Variants in CATSPERB observed in about 807,000 individuals in gnomAD.
CATSPERB encodes cation channel sperm-associated auxiliary subunit beta.
In CATSPERB, 93 loss-of-function variants were observed where a neutral mutation model predicts 128.3. The observed-to-expected ratio is 0.72, with a 90% CI of 0.61 to 0.86. CATSPERB has a LOEUF of 0.86. Ranked by LOEUF, CATSPERB falls within the 40% of genes least tolerant of loss-of-function variation. CATSPERB has a pLI of 0.00. For synonymous variants in CATSPERB, 381 were observed against 448.8 expected (o/e 0.85, Z 1.91); for missense variants, 1,153 against 1,329.5 (o/e 0.87, Z 2.06).
chr14:91,714,288 AAAAAG>A lies in CATSPERB; in HGVS notation c.370+5125_370+5129del, dbSNP rs1286447526. The stretch of plus-strand genomic sequence containing the variant: ...CCAGTACAATAAGGCAAAAAAAAAA[AAAAAG>A]AAAAAAAGAAAGAAAGAAAATGAAT... On this transcript the variant is annotated intron_variant, in intron 5 of 26. Transcript: ENST00000256343. Among the ~76,000 whole-genome samples the A allele has an allele frequency of 5.6e-3, 506 of 90,364 alleles. 3 individuals carry two copies. The highest frequency in any genetic ancestry group is 0.011 in the Middle Eastern group (2 of 186). 59.3% of individuals were successfully genotyped at this position (90,364 alleles called of 152,430 possible). A position where few individuals can be genotyped will look rare whatever the true frequency, so the allele number is the denominator to read the frequency against.
intron 17 of CATSPERB, among the ~76,000 whole-genome samples, chr14:91,633,855 AAG>A (rs971135090): frequency 4.6e-5 from 7 of 151,880 alleles, no homozygotes; most frequent in Admixed American, 2.0e-4. Context: ...GAAAAAGAAA[AAG>A]AGAGAGAGAG....
At chr14:91,624,048 T>C (rs1018709392) in intron 18 of CATSPERB, among the ~76,000 whole-genome samples, 4 of 152,152 alleles carry the variant, frequency 2.6e-5, no homozygotes, top group African/African-American at 2.4e-5. Flanking sequence ...TTTTATTATA[T>C]TAGAAAAAAA....
At chr14:91,683,645 T>C (rs539246716) in intron 11 of CATSPERB, among the ~76,000 whole-genome samples, 11 of 152,090 alleles carry the variant, frequency 7.2e-5, no homozygotes, top group Non-Finnish European at 1.0e-4. Flanking sequence ...AAGATGACAC[T>C]AGCCTATGTT....
At chr14:91,658,407 T>G (rs551723021) in intron 15 of CATSPERB, among the ~76,000 whole-genome samples, 8 of 151,806 alleles carry the variant, frequency 5.3e-5, no homozygotes, top group Admixed American at 5.3e-4. Flanking sequence ...GGGCATTATG[T>G]AGGGGGAGAA....
At chr14:91,599,130 A>G (rs1893564051) in intron 22 of CATSPERB, among the ~76,000 whole-genome samples, 1 of 152,180 alleles carries the variant, frequency 6.6e-6, no homozygotes, top group South Asian at 2.1e-4. Context: ...GGTTTGATCC[A>G]TAAAGTTAGC....
chr14:91,706,856 T>C (rs1453230547), intron 6 of CATSPERB, among the ~76,000 whole-genome samples: 2 of 152,066 alleles, frequency 1.3e-5, no homozygotes, highest in Non-Finnish European at 2.9e-5. Context: ...GCAGCTCTAC[T>C]TTCAAAATCT....
intron 17 of CATSPERB, among the ~76,000 whole-genome samples, chr14:91,634,920 T>C (rs1333413627): frequency 6.6e-6 from 1 of 151,658 alleles, no homozygotes; most frequent in Non-Finnish European, 1.5e-5. Context: ...ATAAACCAGG[T>C]AGCCTATAAA....
intron 2 of CATSPERB, among the ~76,000 whole-genome samples, chr14:91,728,972 A>G (rs1896164586): frequency 1.3e-5 from 2 of 152,262 alleles, no homozygotes; most frequent in South Asian, 4.1e-4. Flanking sequence ...GTCTAAAAAC[A>G]TAAAGTGGAA....
chr14:91,700,829 A>G (rs1469030621), intron 7 of CATSPERB, among the ~76,000 whole-genome samples: 5 of 152,110 alleles, frequency 3.3e-5, no homozygotes, highest in African/African-American at 1.2e-4. Flanking sequence ...GGGGGAGGGA[A>G]GGGAGCAATG....
intron 2 of CATSPERB, among the ~76,000 whole-genome samples, chr14:91,728,608 T>C (rs897746892): frequency 2.0e-5 from 3 of 152,210 alleles, no homozygotes; most frequent in African/African-American, 7.2e-5. Context: ...CACGGACTGC[T>C]TTGCCTAGAA....
chr14:91,594,373 T>C (rs1342037058), intron 22 of CATSPERB, among the ~76,000 whole-genome samples: 7 of 151,984 alleles, frequency 4.6e-5, no homozygotes, highest in Admixed American at 4.6e-4. Flanking sequence ...ATATACCTAA[T>C]GCTAAATGAC....
At chr14:91,660,560 T>C (rs901390730) in intron 14 of CATSPERB, among the ~76,000 whole-genome samples, 1 of 152,216 alleles carries the variant, frequency 6.6e-6, no homozygotes, top group African/African-American at 2.4e-5. Flanking sequence ...TAAGAGTTGT[T>C]TGAGGATAAA....
chr14:91,600,964 C>T (rs1395823628), intron 22 of CATSPERB, among the ~76,000 whole-genome samples: 1 of 152,300 alleles, frequency 6.6e-6, no homozygotes, highest in Non-Finnish European at 1.5e-5. Context: ...AGTCAGTAAA[C>T]AGAACAATAT....
intron 5 of CATSPERB, among the ~76,000 whole-genome samples, chr14:91,713,817 T>C (rs1895883830): frequency 6.6e-6 from 1 of 152,270 alleles, no homozygotes. Flanking sequence ...TCCCAACTCA[T>C]TTTATAATGA....
chr14:91,615,973 G>A (rs886346016), intron 20 of CATSPERB, among the ~76,000 whole-genome samples: 3 of 148,692 alleles, frequency 2.0e-5, no homozygotes, highest in Non-Finnish European at 4.4e-5. Flanking sequence ...TCCGCCTCCC[G>A]TGGTCAAGCG....
chr14:91,649,283 T>C (rs540589843), intron 15 of CATSPERB, among the ~76,000 whole-genome samples: 2 of 152,260 alleles, frequency 1.3e-5, no homozygotes, highest in Admixed American at 6.5e-5. Context: ...TGGGTTATTC[T>C]GTTTCCTTTG....
At chr14:91,646,143 T>A (rs1054971726) in intron 15 of CATSPERB, 72 of 155,114 alleles carry the variant, frequency 4.6e-4, no homozygotes, top group Non-Finnish European at 8.5e-4. Flanking sequence ...GTACCTCAGA[T>A]GGAAATGCAG....
intron 17 of CATSPERB, among the ~76,000 whole-genome samples, chr14:91,632,148 AC>A (rs1429972619): frequency 6.6e-6 from 1 of 152,202 alleles, no homozygotes; most frequent in Non-Finnish European, 1.5e-5. Flanking sequence ...AAACTCTCCA[AC>A]TAAAGGACAG....
intron 7 of CATSPERB, among the ~76,000 whole-genome samples, chr14:91,697,573 T>C (rs1895584649): frequency 6.6e-6 from 1 of 152,286 alleles, no homozygotes; most frequent in Admixed American, 6.5e-5. Context: ...AAGGCAAGGA[T>C]CCAGTTTCAT....
Sources: allele counts gnomAD v4.1 joint callset (sites outside exome capture counted in the v4.1 genomes callset), GRCh38; gene constraint gnomAD v4.1.1; transcripts MANE v1.5; gene names NCBI Gene and HGNC (gene_info 2026-07-23, HGNC 2026-07-21).